SETD2: variants seen among roughly 807,000 people sequenced by gnomAD.
The protein encoded by SETD2 is SET domain containing 2, histone lysine methyltransferase, also known as histone-lysine N-methyltransferase SETD2.
A neutral mutation model predicts 242.1 loss-of-function variants in SETD2; 31 were observed. The observed-to-expected ratio is 0.13, with a 90% CI of 0.10 to 0.17. SETD2 has a LOEUF of 0.17. Among genes scored for constraint, SETD2 ranks in the 10% least tolerant of loss-of-function variants. The probability of loss-of-function intolerance (pLI) is 1.00; values close to 1 mark genes in which losing one functional copy is unlikely to be tolerated. For missense variants in SETD2, 2,481 were observed against 3,046.3 expected, an observed-to-expected ratio of 0.81 and a Z score of 4.37; for synonymous variants, 1,006 against 1,066.5, an observed-to-expected ratio of 0.94 and a Z score of 1.11.
intron 9 of SETD2, among the ~76,000 whole-genome samples, chr3:47,089,103 C>T (rs557216734): frequency 6.6e-6 from 1 of 152,230 alleles, no homozygotes; most frequent in Admixed American, 6.5e-5. Context: ...TTTTTATGCA[C>T]CTCAAAGCTG....
chr3:47,037,828 C>T, intron 17 of SETD2, 51 bp from the exon 18 acceptor site: 1 of 1,294,592 alleles, frequency 7.7e-7, no homozygotes. Context: ...AACAGAGAAT[C>T]CTGACATAAA....
intron 12 of SETD2, among the ~76,000 whole-genome samples, chr3:47,078,519 C>CTTTT (rs71098448): frequency 8.4e-5 from 6 of 71,280 alleles, no homozygotes; most frequent in South Asian, 5.7e-4. Flanking sequence ...GATTCTCAGC[C>CTTTT]TTTTTTTTTT....
rs2107748082 is a variant in SETD2 at position 47,120,972 on chromosome 3, A to G, written c.3664T>C (p.Phe1222Leu). Residue 1222 changes from phenylalanine to leucine, a missense_variant, in exon 3 of 21, where the codon TTC (phenylalanine) becomes CTC (leucine). Physicochemically the swap from Phe to Leu is conservative, Grantham distance 22 (BLOSUM62 0). Coordinates refer to ENST00000409792, the MANE Select transcript of SETD2 (RefSeq NM_014159.7). ...VPNKSWQQTT[F>L]QNRPDSRLGK... ...AGTCTACTATCTGGCCTGTTTTGGA[A>G]AGTGGTCTGTTGCCAAGACTTATTT... 6.2e-7 allele frequency: 1 copy of G among 1,614,208 alleles called. No homozygotes were observed. The highest frequency in any genetic ancestry group is 8.5e-7 in the Non-Finnish European group (1 of 1,180,020).
intron 11 of SETD2, among the ~76,000 whole-genome samples, chr3:47,085,299 G>T (rs974719214): frequency 3.3e-5 from 5 of 152,216 alleles, no homozygotes; most frequent in African/African-American, 1.2e-4. Flanking sequence ...CCAATCCTGG[G>T]TATCTTTTCT....
intron 18 of SETD2, among the ~76,000 whole-genome samples, chr3:47,033,607 C>T (rs1160469365): frequency 1.3e-5 from 2 of 150,048 alleles, no homozygotes; most frequent in Non-Finnish European, 3.0e-5. Context: ...CAAATCTTAA[C>T]ACTTGCACTC....
At chr3:47,070,717 T>G (rs1391237683) in intron 12 of SETD2, among the ~76,000 whole-genome samples, 1 of 152,196 alleles carries the variant, frequency 6.6e-6, no homozygotes, top group East Asian at 1.9e-4. Context: ...CCTTACTTTG[T>G]TAAATATTCC....
intron 18 of SETD2, among the ~76,000 whole-genome samples, chr3:47,030,581 A>G (rs139513419): frequency 6.6e-6 from 1 of 152,226 alleles, no homozygotes; most frequent in Non-Finnish European, 1.5e-5. Context: ...CAAGAATCAC[A>G]AGCAGATTAA....
At chr3:47,150,028 C>CTTTTTTTTTTTTTTTT (rs71098457) in intron 1 of SETD2, among the ~76,000 whole-genome samples, 1 of 92,446 alleles carries the variant, frequency 1.1e-5, no homozygotes, top group Non-Finnish European at 2.0e-5. Flanking sequence ...TCCAAAAATA[C>CTTTTTTTTTTTTTTTT]TTTTTTTTTT....
At chr3:47,098,218 G>T in intron 8 of SETD2, 137 bp from the exon 9 acceptor site, 2 of 684,676 alleles carry the variant, frequency 2.9e-6, no homozygotes, top group Non-Finnish European at 4.5e-6. Context: ...ATTCCAACAA[G>T]TCTGCTATTA....
At chr3:47,029,561 C>A (rs748360061) in intron 18 of SETD2, among the ~76,000 whole-genome samples, 1 of 151,762 alleles carries the variant, frequency 6.6e-6, no homozygotes, top group Non-Finnish European at 1.5e-5. Flanking sequence ...ACTCTAACCC[C>A]CTTAATACTT....
intron 11 of SETD2, among the ~76,000 whole-genome samples, chr3:47,084,622 C>CA (rs1327501935): frequency 6.6e-6 from 1 of 152,008 alleles, no homozygotes; most frequent in African/African-American, 2.4e-5. Flanking sequence ...GACAGGGTTT[C>CA]ACCATGTTGG....
At chr3:47,105,641 G>T (rs1227617144) in intron 6 of SETD2, 2 of 443,282 alleles carry the variant, frequency 4.5e-6, no homozygotes, top group African/African-American at 2.0e-5. Context: ...TTAGAAATCA[G>T]TCGGCAGGAC....
chr3:47,036,420 T>C (rs1214403043), intron 18 of SETD2, among the ~76,000 whole-genome samples: 1 of 151,814 alleles, frequency 6.6e-6, no homozygotes, highest in Admixed American at 6.6e-5. Flanking sequence ...CCAGGCATGG[T>C]GGCGCACACC....
At chr3:47,064,001 A>G (rs2107594205) in intron 13 of SETD2, among the ~76,000 whole-genome samples, 1 of 151,784 alleles carries the variant, frequency 6.6e-6, no homozygotes, top group Middle Eastern at 3.4e-3. Context: ...AAAAAAAAAC[A>G]ACAACTACTA....
chr3:47,023,314 T>C (rs2038320986), intron 18 of SETD2, among the ~76,000 whole-genome samples: 1 of 152,024 alleles, frequency 6.6e-6, no homozygotes, highest in South Asian at 2.1e-4. Flanking sequence ...GCAGGAGAAC[T>C]GCTTGAACCC....
At chr3:47,031,076 G>C (rs772049481) in intron 18 of SETD2, among the ~76,000 whole-genome samples, 3 of 152,204 alleles carry the variant, frequency 2.0e-5, no homozygotes, top group Non-Finnish European at 4.4e-5. Flanking sequence ...TGGTTACCAG[G>C]AACTGGGGAA....
intron 1 of SETD2, among the ~76,000 whole-genome samples, chr3:47,150,176 C>T (rs1266349527): frequency 1.3e-5 from 2 of 151,770 alleles, no homozygotes; most frequent in East Asian, 3.9e-4. Context: ...ACTCCAGGCA[C>T]CTGCCACCAC....
At chr3:47,118,341 G>A (rs1171103969) in intron 3 of SETD2, among the ~76,000 whole-genome samples, 1 of 152,078 alleles carries the variant, frequency 6.6e-6, no homozygotes, top group Non-Finnish European at 1.5e-5. Flanking sequence ...TAAGAAAAAT[G>A]TTTTCATTAT....
Position 47,049,981 on chromosome 3 carries a change from A to C in SETD2, c.6964-3360T>G, listed in dbSNP as rs1292471060. Among the ~76,000 whole-genome samples the C allele has an allele frequency of 2.0e-5, 3 of 146,764 alleles. No homozygotes were observed. In the Admixed American group the frequency reaches 2.1e-4, roughly 10 times the overall value. On this transcript the variant is annotated intron_variant, in intron 15 of 20. Coordinates refer to ENST00000409792, the MANE Select transcript of SETD2 (RefSeq NM_014159.7). ...GTACATATATTTATATGTTTTTCTTATATATATAAATTTATGTTTCTTATA... is the reference window on the plus strand; with the variant it reads ...GTACATATATTTATATGTTTTTCTTCTATATATAAATTTATGTTTCTTATA...
Sources: allele counts gnomAD v4.1 joint callset (sites outside exome capture counted in the v4.1 genomes callset), GRCh38; gene constraint gnomAD v4.1.1; transcripts MANE v1.5; gene names NCBI Gene and HGNC (gene_info 2026-07-23, HGNC 2026-07-21).